TIFA: variants seen among roughly 807,000 people sequenced by gnomAD.
The protein encoded by TIFA is TRAF interacting protein with forkhead associated domain.
For synonymous variants in TIFA, 75 were observed against 79.2 expected (o/e 0.95, Z 0.28); for missense variants, 186 against 215.2 (o/e 0.86, Z 0.85).
intron 1 of TIFA, among the ~76,000 whole-genome samples, chr4:112,279,215 T>C (rs1482516200): frequency 6.6e-6 from 1 of 152,220 alleles, no homozygotes; most frequent in African/African-American, 2.4e-5. Context: ...GTCCAACTGT[T>C]GTTAACCACA....
chr4:112,282,024 C>T (rs1371546892), intron 1 of TIFA, among the ~76,000 whole-genome samples: 1 of 152,174 alleles, frequency 6.6e-6, no homozygotes, highest in African/African-American at 2.4e-5. Context: ...CCACGAGTCC[C>T]ACATGTTGTG....
In TIFA at chr4:112,277,974, A is replaced by T; in HGVS notation, c.443T>A (p.Leu148His). The T allele has an allele frequency of 6.2e-7, 1 of 1,614,010 alleles. No individual in the cohort carries two copies. Among genetic ancestry groups the T allele is most frequent in the Non-Finnish European group, 8.5e-7 (1 of 1,179,984 alleles). Residue 148 changes from leucine to histidine, a missense_variant, in exon 2 of 2, where the codon CTC becomes CAC. Leu to His is a moderately conservative substitution (Grantham distance 99). Coordinates refer to ENST00000361717, the MANE Select transcript of TIFA (RefSeq NM_052864.3). ...TGGTGGCCAGTTGTTTTCTTGCAAG[A>T]GTGATCTTGGAGATAAAATAAATTG... is the stretch of plus-strand genomic sequence containing the variant. Reference protein sequence around the residue: ...ETQFILSPRSLLQENNWPPHR... With the variant: ...ETQFILSPRSHLQENNWPPHR...
Position 112,277,675 on chromosome 4 carries a change from A to AGCCGGATC in TIFA, c.*186_*187insGATCCGGC. 2.8e-6 allele frequency: 1 copy of AGCCGGATC among 363,388 alleles called. No individual in the cohort carries two copies. The highest frequency in any genetic ancestry group is 4.6e-6 in the Non-Finnish European group (1 of 217,562). 22.5% of individuals were successfully genotyped at this position (363,388 alleles called of 1,614,324 possible). On this transcript the variant is annotated 3_prime_UTR_variant, in exon 2 of 2. Transcript: ENST00000361717. ...TTAAAATAATTTTGTGTAGATCCAG[A>AGCCGGATC]ATACAACAGGTGACTAAGTTAATGA...
chr4:112,283,067 G>A (rs1727255557), intron 1 of TIFA, among the ~76,000 whole-genome samples: 1 of 152,164 alleles, frequency 6.6e-6, no homozygotes, highest in Admixed American at 6.5e-5. Context: ...TGATAAGGGA[G>A]CTGAATCTCA....
rs1049344609 is a variant in TIFA at position 112,276,005 on chromosome 4, T to C, written c.*1857A>G. The C allele has an allele frequency of 6.6e-6, 1 of 152,206 alleles. No individual in the cohort carries two copies. The highest frequency in any genetic ancestry group is 2.4e-5 in the African/African-American group (1 of 41,454). 9.4% of individuals were successfully genotyped at this position (152,206 alleles called of 1,614,324 possible). The stretch of plus-strand genomic sequence containing the variant: ...AAGCTAAAATCCTAGAAAGAATCAA[T>C]AGTAGATAACCTTATATTAAAGGGA... On this transcript the variant is annotated 3_prime_UTR_variant, in exon 2 of 2. Coordinates refer to ENST00000361717, the MANE Select transcript of TIFA (RefSeq NM_052864.3).
At chr4:112,281,840 C>T (rs1453142222) in intron 1 of TIFA, 2 of 152,232 alleles carry the variant, frequency 1.3e-5, no homozygotes, top group African/African-American at 2.4e-5. Context: ...AAAAAACCAA[C>T]CCTTCTTCCA....
chr4:112,285,300 A>T (rs1279186921), intron 1 of TIFA, among the ~76,000 whole-genome samples: 1 of 151,906 alleles, frequency 6.6e-6, no homozygotes, highest in Non-Finnish European at 1.5e-5. Context: ...GTCACGCACA[A>T]CTGCTCTGGA....
At position 112,275,703 on chromosome 4, in the gene TIFA, T is replaced by C. The variant is rs1757414336; in HGVS notation, c.*2159A>G. On this transcript the variant is annotated 3_prime_UTR_variant, in exon 2 of 2. Coordinates refer to ENST00000361717, the MANE Select transcript of TIFA (RefSeq NM_052864.3). ...TACATTAGGAGAAATCATTATTCTG[T>C]ACAAGATTTTTCTGGCCCTAAATAT... The C allele has an allele frequency of 6.6e-6, 1 of 152,236 alleles. No homozygotes were observed. Among genetic ancestry groups the C allele is most frequent in the Admixed American group, 6.5e-5 (1 of 15,284 alleles). 9.4% of individuals were successfully genotyped at this position (152,236 alleles called of 1,614,324 possible).
chr4:112,285,727 G>C lies in TIFA; in HGVS notation c.-106C>G, dbSNP rs1194351961. ...GAATCGAGGAGACTGGGCGCAGGAT[G>C]GGGGTGGACACCCGGCCGCTGCTCC... is the stretch of plus-strand genomic sequence containing the variant. On this transcript the variant is annotated 5_prime_UTR_variant, in exon 1 of 2. Coordinates refer to ENST00000361717, the MANE Select transcript of TIFA (RefSeq NM_052864.3). 6.6e-6 allele frequency: 1 copy of C among 152,438 alleles called. No homozygotes were observed. Among genetic ancestry groups the C allele is most frequent in the Non-Finnish European group, 1.5e-5 (1 of 68,224 alleles). The allele number at this position is 152,438 out of a possible 1,614,324, so 9.4% of individuals were successfully genotyped here.
In TIFA at chr4:112,277,689, C is replaced by CCGGA; in HGVS notation, c.*172_*173insTCCG. 1 of 445,522 alleles carries CCGGA rather than the reference C, an allele frequency of 2.2e-6. No homozygotes were observed. Among genetic ancestry groups the CCGGA allele is most frequent in the South Asian group, 6.4e-5 (1 of 15,562 alleles). The allele number at this position is 445,522 out of a possible 1,614,324, so 27.6% of individuals were successfully genotyped here. ...TGTAGATCCAGAATACAACAGGTGA[C>CCGGA]TAAGTTAATGACTAACACAATTTAC... On this transcript the variant is annotated 3_prime_UTR_variant, in exon 2 of 2. Transcript: ENST00000361717.
In TIFA at chr4:112,276,578, C is replaced by CTT. The variant is rs1727117661; in HGVS notation, c.*1282_*1283dup. ...GGAACTCCAACAGTCATTCAGGCCA[C>CTT]TTTGTACAGGGACAAATATTTCACT... On this transcript the variant is annotated 3_prime_UTR_variant, in exon 2 of 2. Transcript: ENST00000361717. The CTT allele has an allele frequency of 6.6e-6, 1 of 152,428 alleles. No homozygotes were observed. 9.4% of individuals were successfully genotyped at this position (152,428 alleles called of 1,614,324 possible). A position where few individuals can be genotyped will look rare whatever the true frequency, so the allele number is the denominator to read the frequency against.
At position 112,277,687 on chromosome 4, in the gene TIFA, G is replaced by GGTCGCTGTATC; in HGVS notation, c.*174_*175insGATACAGCGAC. 4.5e-6 allele frequency: 2 copies of GGTCGCTGTATC among 441,780 alleles called. No homozygotes were observed. Among genetic ancestry groups the GGTCGCTGTATC allele is most frequent in the East Asian group, 3.7e-5 (1 of 26,926 alleles). The allele number at this position is 441,780 out of a possible 1,614,324, so 27.4% of individuals were successfully genotyped here. A position where few individuals can be genotyped will look rare whatever the true frequency, so the allele number is the denominator to read the frequency against. ...TGTGTAGATCCAGAATACAACAGGT[G>GGTCGCTGTATC]ACTAAGTTAATGACTAACACAATTT... is the stretch of plus-strand genomic sequence containing the variant. On this transcript the variant is annotated 3_prime_UTR_variant, in exon 2 of 2. Transcript: ENST00000361717.
chr4:112,278,433 AC>A lies in TIFA; in HGVS notation c.-18del, dbSNP rs779870256. ...ACTGGTCATGATGTGCACAAGGCCC[AC>A]CTGCAATAATTAAATTACCATGTTA... On this transcript the variant is annotated splice_region_variant and 5_prime_UTR_variant, in exon 2 of 2. Coordinates refer to ENST00000361717, the MANE Select transcript of TIFA (RefSeq NM_052864.3). The A allele has an allele frequency of 1.8e-5, 28 of 1,515,542 alleles. 1 individual carries two copies. In the South Asian group the frequency reaches 3.5e-4, roughly 19 times the overall value. The allele number at this position is 1,515,542 out of a possible 1,614,324, so 93.9% of individuals were successfully genotyped here. A position where few individuals can be genotyped will look rare whatever the true frequency, so the allele number is the denominator to read the frequency against.
In TIFA at chr4:112,278,521, G is replaced by C. The variant is rs138914601; in HGVS notation, c.-18-87C>G. The C allele has an allele frequency of 2.0e-5, 23 of 1,126,284 alleles. No homozygotes were observed. The East Asian group carries it at 5.5e-4, about 27-fold the overall frequency. 69.8% of individuals were successfully genotyped at this position (1,126,284 alleles called of 1,614,324 possible). A position where few individuals can be genotyped will look rare whatever the true frequency, so the allele number is the denominator to read the frequency against. ...TCTAACGTTTTGATGAACATCATCTGATAGGCAATTTATCTGGACTTTAAG... is the reference window on the plus strand; with the variant it reads ...TCTAACGTTTTGATGAACATCATCTCATAGGCAATTTATCTGGACTTTAAG... On this transcript the variant is annotated intron_variant, in intron 1 of 1. Transcript: ENST00000361717.
At chr4:112,283,887 G>T (rs1466821145) in intron 1 of TIFA, among the ~76,000 whole-genome samples, 1 of 152,146 alleles carries the variant, frequency 6.6e-6, no homozygotes, top group African/African-American at 2.4e-5. Flanking sequence ...GATTTTTATG[G>T]AATTGACAGT....
At chr4:112,282,726 A>C (rs1009346964) in intron 1 of TIFA, among the ~76,000 whole-genome samples, 3 of 152,128 alleles carry the variant, frequency 2.0e-5, no homozygotes, top group African/African-American at 7.2e-5. Flanking sequence ...CACTTATATA[A>C]CTTATATTTC....
At chr4:112,279,769 C>A (rs968056158) in intron 1 of TIFA, among the ~76,000 whole-genome samples, 4 of 151,894 alleles carry the variant, frequency 2.6e-5, no homozygotes, top group South Asian at 4.2e-4. Flanking sequence ...CGGGTTCAAG[C>A]AATTCTCCTG....
chr4:112,280,556 C>T (rs1270630663), intron 1 of TIFA, among the ~76,000 whole-genome samples: 1 of 151,838 alleles, frequency 6.6e-6, no homozygotes, highest in East Asian at 1.9e-4. Flanking sequence ...TACCATGATG[C>T]CCAGGCTGCT....
In TIFA at chr4:112,277,689, C is replaced by CCGCCGTATCA; in HGVS notation, c.*172_*173insTGATACGGCG. 2.2e-6 allele frequency: 1 copy of CCGCCGTATCA among 445,526 alleles called. No homozygotes were observed. The highest frequency in any genetic ancestry group is 3.6e-6 in the Non-Finnish European group (1 of 280,968). The allele number at this position is 445,526 out of a possible 1,614,324, so 27.6% of individuals were successfully genotyped here. On this transcript the variant is annotated 3_prime_UTR_variant, in exon 2 of 2. Transcript: ENST00000361717. ...TGTAGATCCAGAATACAACAGGTGACTAAGTTAATGACTAACACAATTTAC... is the reference window on the plus strand; with the variant it reads ...TGTAGATCCAGAATACAACAGGTGACCGCCGTATCATAAGTTAATGACTAACACAATTTAC...
Sources: allele counts gnomAD v4.1 joint callset (sites outside exome capture counted in the v4.1 genomes callset), GRCh38; gene constraint gnomAD v4.1.1; transcripts MANE v1.5; gene names NCBI Gene and HGNC (gene_info 2026-07-23, HGNC 2026-07-21).